Variants in SV2B observed in about 807,000 individuals in gnomAD.
The protein encoded by SV2B is solute carrier family 22 member B2.
In SV2B, 41 loss-of-function variants were observed where a neutral mutation model predicts 73.9. The observed-to-expected ratio is 0.56, with a 90% CI of 0.43 to 0.72. The LOEUF (loss-of-function observed/expected upper bound fraction) is 0.72, where lower values mean the gene tolerates loss of function less well. SV2B is among the 30% of genes least tolerant of loss of function. The pLI is 0.00. For synonymous variants in SV2B, 314 were observed against 314.2 expected, an observed-to-expected ratio of 1.00 and a Z score of 0.01; for missense variants, 764 against 857.8, an observed-to-expected ratio of 0.89 and a Z score of 1.37.
In SV2B at chr15:91,140,679, C is replaced by A. The variant is rs1287338846; in HGVS notation, c.-392+40316C>A. ...TTCTTTCCACACTAGGCTTCCTGGA[C>A]TAACCAGGACTGGGTGTGAGACATG... On this transcript the variant is annotated intron_variant, in intron 1 of 12. Transcript: ENST00000394232. This position sits in a 1 kb window ranked among gnomAD's most constrained non-coding sequence, Gnocchi z 4.4. 6.6e-6 allele frequency among the ~76,000 whole-genome samples: 1 copy of A among 152,162 alleles called. No individual in the cohort carries two copies. The highest frequency in any genetic ancestry group is 6.5e-5 in the Admixed American group (1 of 15,274).
intron 1 of SV2B, among the ~76,000 whole-genome samples, chr15:91,149,200 G>A (rs187459935): frequency 6.6e-6 from 1 of 152,324 alleles, no homozygotes; most frequent in East Asian, 1.9e-4. Context: ...CTCACGACCT[G>A]GCAGATGGGC....
chr15:91,134,103 A>G (rs573718390), intron 1 of SV2B, among the ~76,000 whole-genome samples: 4 of 146,082 alleles, frequency 2.7e-5, no homozygotes, highest in African/African-American at 7.7e-5. Context: ...GGTTCAAGCA[A>G]TTCTCCTGCC....
At position 91,301,569 on chromosome 15, in the gene SV2B, T is replaced by C. The variant is rs542007377; in HGVS notation, c.*9017T>C. ...AACTGTGATAAAGACTTTTAAAGCC[T>C]ATCCCCTTTAACCTTCATAATAACC... On this transcript the variant is annotated 3_prime_UTR_variant, in exon 13 of 13. Transcript: ENST00000394232. This position sits in a 1 kb window ranked among gnomAD's most constrained non-coding sequence, Gnocchi z 4.3. Among the ~76,000 whole-genome samples, 2 of 152,366 alleles carry C rather than the reference T, an allele frequency of 1.3e-5. No homozygotes were observed. Among genetic ancestry groups the C allele is most frequent in the African/African-American group, 4.8e-5 (2 of 41,588 alleles).
intron 1 of SV2B, among the ~76,000 whole-genome samples, chr15:91,125,781 CAA>C (rs200016125): frequency 6.5e-4 from 37 of 57,036 alleles, no homozygotes; most frequent in Admixed American, 1.2e-3. Context: ...TCTCAAGGGG[CAA>C]AAAAAAAAAA....
rs929637790 is a variant in SV2B, at chr15:91,244,053, C to T, written c.452-7766C>T. On this transcript the variant is annotated intron_variant, in intron 2 of 12. Transcript: ENST00000394232. ...TCATGGGCTATGTCATAATTTGGGG[C>T]ATTGGTGACTCACTCAACTATAATC... Among the ~76,000 whole-genome samples the T allele has an allele frequency of 3.9e-5, 6 of 152,182 alleles. 1 individual carries two copies. The South Asian group carries it at 1.2e-3, about 32-fold the overall frequency.
intron 1 of SV2B, among the ~76,000 whole-genome samples, chr15:91,168,344 C>T (rs1052263118): frequency 1.8e-5 from 2 of 111,878 alleles, no homozygotes; most frequent in Non-Finnish European, 3.9e-5. Flanking sequence ...AGAAATTTCT[C>T]ACACACTCTT....
rs142750320 is a variant in SV2B, at chr15:91,113,612, C to T, written c.-392+13249C>T. ...TGGGGTAAACATCCAACTTTTTTCC[C>T]GCGATGAATATACCAGGAGCATATA... On this transcript the variant is annotated intron_variant, in intron 1 of 12. Coordinates refer to ENST00000394232, the MANE Select transcript of SV2B (RefSeq NM_001323032.3). Among the ~76,000 whole-genome samples, 32 of 152,208 alleles carry T rather than the reference C, an allele frequency of 2.1e-4. No homozygotes were observed. The East Asian group carries it at 5.2e-3, about 25-fold the overall frequency.
Position 91,132,999 on chromosome 15 carries a change from A to C in SV2B, c.-392+32636A>C, listed in dbSNP as rs893586203. Among the ~76,000 whole-genome samples, 3 of 152,252 alleles carry C rather than the reference A, an allele frequency of 2.0e-5. No individual in the cohort carries two copies. Among genetic ancestry groups the C allele is most frequent in the African/African-American group, 7.2e-5 (3 of 41,468 alleles). On this transcript the variant is annotated intron_variant, in intron 1 of 12. Coordinates refer to ENST00000394232, the MANE Select transcript of SV2B (RefSeq NM_001323032.3). This position sits in a 1 kb window ranked among gnomAD's most constrained non-coding sequence, Gnocchi z 4.6. ...CTGTTGCGTGCCAGGCCTTGAGAGAAGTATGTTACCTCTGTTAGTTTATTT... is the reference window on the plus strand; with the variant it reads ...CTGTTGCGTGCCAGGCCTTGAGAGACGTATGTTACCTCTGTTAGTTTATTT...
At position 91,268,617 on chromosome 15, in the gene SV2B, A is replaced by G; in HGVS notation, c.1373+12A>G. 2 of 1,604,490 alleles carry G rather than the reference A, an allele frequency of 1.2e-6. No homozygotes were observed. Among genetic ancestry groups the G allele is most frequent in the Non-Finnish European group, 1.7e-6 (2 of 1,172,286 alleles). On this transcript the variant is annotated intron_variant, in intron 9 of 12. Coordinates refer to ENST00000394232, the MANE Select transcript of SV2B (RefSeq NM_001323032.3). The surrounding 1 kb of genome is among the most constrained non-coding windows in gnomAD (Gnocchi z 4.4). ...CTTGTGAATGATAAGTAAGTGAGTG[A>G]TCACGGGCTTCCCTCACATCAGGGT... is the stretch of plus-strand genomic sequence containing the variant.
Position 91,241,339 on chromosome 15 carries a change from A to G in SV2B, c.452-10480A>G, listed in dbSNP as rs540332282. Among the ~76,000 whole-genome samples, 4 of 152,174 alleles carry G rather than the reference A, an allele frequency of 2.6e-5. No individual in the cohort carries two copies. The highest frequency in any genetic ancestry group is 9.6e-5 in the African/African-American group (4 of 41,526). ...CCTGGTTGCATCCGACTTTTCCTCC[A>G]TCTGTCCCTAAACCCCGTTGCTGCA... On this transcript the variant is annotated intron_variant, in intron 2 of 12. Transcript: ENST00000394232. This position sits in a 1 kb window ranked among gnomAD's most constrained non-coding sequence, Gnocchi z 4.8.
intron 1 of SV2B, among the ~76,000 whole-genome samples, chr15:91,166,428 C>T (rs1325028435): frequency 1.3e-5 from 2 of 151,902 alleles, no homozygotes; most frequent in East Asian, 3.9e-4. Flanking sequence ...TCATAGTTTT[C>T]TTTGAGTTTA....
At chr15:91,150,344 A>G (rs1014655120) in intron 1 of SV2B, among the ~76,000 whole-genome samples, 7 of 152,132 alleles carry the variant, frequency 4.6e-5, no homozygotes, top group African/African-American at 1.4e-4. Flanking sequence ...TCAGGTGTAT[A>G]CAGCTGTTGG....
chr15:91,270,566 A>G (rs973899668), intron 9 of SV2B, among the ~76,000 whole-genome samples: 2 of 152,240 alleles, frequency 1.3e-5, no homozygotes, highest in South Asian at 4.1e-4. Flanking sequence ...GCTGTTTTAC[A>G]TGATACTTTC....
In SV2B at chr15:91,267,472, A is replaced by G. The variant is rs940578327; in HGVS notation, c.1120-83A>G. ...ATGGGTTCCTAGGCAACTTATTAGA[A>G]TATCTGAGTAATGAGCTCTTCGTGG... On this transcript the variant is annotated intron_variant, in intron 7 of 12. Coordinates refer to ENST00000394232, the MANE Select transcript of SV2B (RefSeq NM_001323032.3). The surrounding 1 kb of genome is among the most constrained non-coding windows in gnomAD (Gnocchi z 4.3). 3 of 1,237,226 alleles carry G rather than the reference A, an allele frequency of 2.4e-6. No homozygotes were observed. The highest frequency in any genetic ancestry group is 3.5e-6 in the Non-Finnish European group (3 of 856,278). 76.6% of individuals were successfully genotyped at this position (1,237,226 alleles called of 1,614,324 possible). A position where few individuals can be genotyped will look rare whatever the true frequency, so the allele number is the denominator to read the frequency against.
chr15:91,281,945 C>T lies in SV2B; in HGVS notation c.1507+84C>T. 1.4e-6 allele frequency: 2 copies of T among 1,442,262 alleles called. No homozygotes were observed. The highest frequency in any genetic ancestry group is 1.9e-6 in the Non-Finnish European group (2 of 1,074,894). 89.3% of individuals were successfully genotyped at this position (1,442,262 alleles called of 1,614,324 possible). ...AAGAATCAAAATGGTCAGGCATAAA[C>T]TTTAGGAGTAGGAAAGTATTCGTAG... is the stretch of plus-strand genomic sequence containing the variant. On this transcript the variant is annotated intron_variant, in intron 10 of 12. Transcript: ENST00000394232. This position sits in a 1 kb window ranked among gnomAD's most constrained non-coding sequence, Gnocchi z 4.7.
intron 9 of SV2B, among the ~76,000 whole-genome samples, chr15:91,272,609 G>C (rs1221372231): frequency 6.6e-6 from 1 of 152,102 alleles, no homozygotes; most frequent in East Asian, 1.9e-4. Flanking sequence ...GCTCTCTTGA[G>C]TTTTTAGTAA....
chr15:91,213,524 C>T (rs1183065229), intron 1 of SV2B, among the ~76,000 whole-genome samples: 1 of 152,036 alleles, frequency 6.6e-6, no homozygotes, highest in African/African-American at 2.4e-5. Flanking sequence ...AAGTGCTCAA[C>T]TCAGAACGTG....
In SV2B at chr15:91,115,936, C is replaced by G. The variant is rs2042165898; in HGVS notation, c.-392+15573C>G. Among the ~76,000 whole-genome samples the G allele has an allele frequency of 6.6e-6, 1 of 152,072 alleles. No homozygotes were observed. Among genetic ancestry groups the G allele is most frequent in the African/African-American group, 2.4e-5 (1 of 41,408 alleles). ...TATAGTGTAGAAGTTTGTAAAGAAG[C>G]TTTGTTTCACATACACCTTAACAGA... On this transcript the variant is annotated intron_variant, in intron 1 of 12. Transcript: ENST00000394232. The surrounding 1 kb of genome is among the most constrained non-coding windows in gnomAD (Gnocchi z 4.3).
At chr15:91,116,328 T>C (rs1330259941) in intron 1 of SV2B, among the ~76,000 whole-genome samples, 1 of 152,226 alleles carries the variant, frequency 6.6e-6, no homozygotes, top group East Asian at 1.9e-4. Context: ...CCTGGCTGCT[T>C]TGCTGTTGTG....
Sources: allele counts gnomAD v4.1 joint callset (sites outside exome capture counted in the v4.1 genomes callset), GRCh38; gene constraint gnomAD v4.1.1; non-coding constraint Gnocchi (gnomAD v3.1); transcripts MANE v1.5; gene names NCBI Gene and HGNC (gene_info 2026-07-23, HGNC 2026-07-21).